Variants in CADPS observed in about 807,000 individuals in gnomAD.
CADPS encodes calcium-dependent secretion activator 1.
A neutral mutation model predicts 167.3 loss-of-function variants in CADPS; 57 were observed. That is an observed-to-expected ratio of 0.34 (90% CI 0.28 to 0.42). The LOEUF (loss-of-function observed/expected upper bound fraction) is 0.42. Among genes scored for constraint, CADPS ranks in the 20% least tolerant of loss-of-function variants. The pLI is 1.00. For synonymous variants in CADPS, 676 were observed against 635.3 expected (o/e 1.06, Z -0.96); for missense variants, 1,414 against 1,738.1 (o/e 0.81, Z 3.32).
intron 8 of CADPS, among the ~76,000 whole-genome samples, chr3:62,573,743 T>C (rs970643883): frequency 3.9e-5 from 6 of 152,260 alleles, no homozygotes; most frequent in African/African-American, 1.4e-4. Flanking sequence ...CTAGGCCTTG[T>C]AGATAATTCT....
chr3:62,810,869 A>G lies in CADPS; in HGVS notation c.442-44885T>C, dbSNP rs868806785. Among the ~76,000 whole-genome samples, 4 of 152,250 alleles carry G rather than the reference A, an allele frequency of 2.6e-5. No homozygotes were observed. The South Asian group carries it at 8.3e-4, about 31-fold the overall frequency. ...CTTACGTGTGTTTGGTGCCTAGCAC[A>G]GAGCTGTGCACAAAGCACAAAGGAG... On this transcript the variant is annotated intron_variant, in intron 1 of 29. Transcript: ENST00000383710.
intron 6 of CADPS, among the ~76,000 whole-genome samples, chr3:62,610,845 CTTCTT>C (rs1421172626): frequency 6.7e-6 from 1 of 150,224 alleles, no homozygotes; most frequent in Non-Finnish European, 1.5e-5. Context: ...CCTTAGGCCT[CTTCTT>C]TTCTGTCTAC....
At chr3:62,536,908 C>T (rs554133979) in intron 11 of CADPS, among the ~76,000 whole-genome samples, 4 of 152,106 alleles carry the variant, frequency 2.6e-5, no homozygotes, top group Non-Finnish European at 5.9e-5. Context: ...GAAAGCAGAT[C>T]GGATCTTTGC....
At chr3:62,619,566 G>A (rs921131673) in intron 6 of CADPS, among the ~76,000 whole-genome samples, 18 of 152,110 alleles carry the variant, frequency 1.2e-4, no homozygotes, top group African/African-American at 4.3e-4. Context: ...TTTCTAATGT[G>A]AGACTTTTCA....
At chr3:62,599,960 T>C (rs2059720764) in intron 6 of CADPS, among the ~76,000 whole-genome samples, 1 of 118,032 alleles carries the variant, frequency 8.5e-6, no homozygotes, top group African/African-American at 3.3e-5. Context: ...CGATATATAA[T>C]GATATACATG....
intron 21 of CADPS, 144 bp downstream of exon 21, chr3:62,491,195 T>G: frequency 7.5e-5 from 73 of 977,402 alleles, no homozygotes; most frequent in Non-Finnish European, 1.0e-4. Context: ...AAAGAAGCTA[T>G]GAGCATCATA....
chr3:62,762,061 A>G (rs146897686), intron 2 of CADPS, among the ~76,000 whole-genome samples: 11 of 152,230 alleles, frequency 7.2e-5, no homozygotes, highest in African/African-American at 2.6e-4. Context: ...GTTAATGGTG[A>G]CTAGCTTGGT....
At chr3:62,676,243 A>G (rs536293597) in intron 3 of CADPS, among the ~76,000 whole-genome samples, 3 of 152,290 alleles carry the variant, frequency 2.0e-5, no homozygotes, top group South Asian at 4.1e-4. Flanking sequence ...AATGGCTTTA[A>G]GATGAAGTGA....
intron 26 of CADPS, among the ~76,000 whole-genome samples, chr3:62,462,884 C>T (rs1267527177): frequency 6.6e-6 from 1 of 152,178 alleles, no homozygotes; most frequent in African/African-American, 2.4e-5. Context: ...TTCCTGCCAC[C>T]TCTAAACACA....
intron 28 of CADPS, among the ~76,000 whole-genome samples, chr3:62,435,856 T>C (rs2054907169): frequency 6.6e-6 from 1 of 152,096 alleles, no homozygotes; most frequent in Non-Finnish European, 1.5e-5. Flanking sequence ...GTCAGTGGAA[T>C]TCAACAAGGG....
intron 10 of CADPS, among the ~76,000 whole-genome samples, chr3:62,555,669 T>A (rs1274500064): frequency 1.3e-5 from 2 of 152,238 alleles, no homozygotes. Context: ...ATTATTGTCA[T>A]AAGGTGGTAT....
At chr3:62,473,981 C>G (rs2060932647) in intron 24 of CADPS, 192 bp downstream of exon 24, 4 of 466,084 alleles carry the variant, frequency 8.6e-6, no homozygotes, top group Non-Finnish European at 1.5e-5. Flanking sequence ...GACTGACATT[C>G]TCATCAGCAC....
In CADPS at chr3:62,667,178, T is replaced by A. The variant is rs115386941; in HGVS notation, c.889-4784A>T. On this transcript the variant is annotated intron_variant, in intron 3 of 29. Transcript: ENST00000383710. ...GTTATGAGGATTAAGTCAGATGATA[T>A]ACATTCAAAGCACCCAGTGAGGTAG... Among the ~76,000 whole-genome samples, 680 of 152,144 alleles carry A rather than the reference T, an allele frequency of 4.5e-3. 7 individuals are homozygous for A. Among genetic ancestry groups the A allele is most frequent in the African/African-American group, 0.016 (656 of 41,512 alleles).
chr3:62,454,504 C>A (rs2058455425), intron 26 of CADPS, among the ~76,000 whole-genome samples: 1 of 151,982 alleles, frequency 6.6e-6, no homozygotes, highest in Non-Finnish European at 1.5e-5. Flanking sequence ...TCAAAGGATT[C>A]TGTACTGTAT....
At chr3:62,471,496 C>A (rs2060613450) in intron 24 of CADPS, among the ~76,000 whole-genome samples, 1 of 152,084 alleles carries the variant, frequency 6.6e-6, no homozygotes, top group African/African-American at 2.4e-5. Flanking sequence ...TCCCACGCTC[C>A]CACTACTCTC....
intron 2 of CADPS, among the ~76,000 whole-genome samples, chr3:62,763,173 C>T (rs937804784): frequency 2.6e-5 from 4 of 152,136 alleles, no homozygotes; most frequent in African/African-American, 7.2e-5. Flanking sequence ...CTATTTCACC[C>T]CCATCCACTG....
chr3:62,547,590 C>A (rs557351346), intron 11 of CADPS, among the ~76,000 whole-genome samples: 1 of 94,916 alleles, frequency 1.1e-5, no homozygotes, highest in African/African-American at 4.7e-5. Flanking sequence ...ATTTACGCCC[C>A]CCCCCCCCCG....
chr3:62,500,789 A>G (rs2065644136), intron 17 of CADPS, among the ~76,000 whole-genome samples: 1 of 152,194 alleles, frequency 6.6e-6, no homozygotes, highest in Non-Finnish European at 1.5e-5. Flanking sequence ...ACTTAAAATC[A>G]TAAGAGATTG....
At chr3:62,709,241 T>G (rs1264713314) in intron 3 of CADPS, among the ~76,000 whole-genome samples, 3 of 152,116 alleles carry the variant, frequency 2.0e-5, no homozygotes, top group African/African-American at 4.8e-5. Flanking sequence ...AAACCACGTT[T>G]CTTCATGCGT....
Sources: allele counts gnomAD v4.1 joint callset (sites outside exome capture counted in the v4.1 genomes callset), GRCh38; gene constraint gnomAD v4.1.1; transcripts MANE v1.5; gene names NCBI Gene and HGNC (gene_info 2026-07-23, HGNC 2026-07-21).